Variants in FGF10 observed in about 807,000 individuals in gnomAD.
FGF10 encodes the protein FGF-10.
In FGF10, 2 loss-of-function variants were observed where a neutral mutation model predicts 19.8. That is an observed-to-expected ratio of 0.10 (90% confidence interval 0.04 to 0.32). The LOEUF (loss-of-function observed/expected upper bound fraction) is 0.32. FGF10 is among the 10% of genes least tolerant of loss of function. The probability of loss-of-function intolerance (pLI) is 1.00; values close to 1 mark genes in which losing one functional copy is unlikely to be tolerated. For synonymous variants in FGF10, 112 were observed against 94.0 expected (o/e 1.19, Z -1.10); for missense variants, 191 against 246.3 (o/e 0.78, Z 1.50).
intron 1 of FGF10, among the ~76,000 whole-genome samples, chr5:44,349,791 A>T (rs888997121): frequency 1.3e-5 from 2 of 151,156 alleles, no homozygotes; most frequent in African/African-American, 4.8e-5. Flanking sequence ...AATAAAGTTG[A>T]GTAGTTAAGG....
At chr5:44,356,323 A>G (rs760594031) in intron 1 of FGF10, among the ~76,000 whole-genome samples, 16 of 151,406 alleles carry the variant, frequency 1.1e-4, no homozygotes, top group Non-Finnish European at 1.8e-4. Context: ...AGTGAATTAA[A>G]CCTAAATTCA....
rs1240606399 is a variant in FGF10 at position 44,301,988 on chromosome 5, A to G, written c.*3007T>C. Among the ~76,000 whole-genome samples, 1 of 152,120 alleles carries G rather than the reference A, an allele frequency of 6.6e-6. No homozygotes were observed. Among genetic ancestry groups the G allele is most frequent in the African/African-American group, 2.4e-5 (1 of 41,440 alleles). On this transcript the variant is annotated 3_prime_UTR_variant, in exon 3 of 3. Transcript: ENST00000264664. ...AGGAGTATTCTCAGAACCAAAACTC[A>G]AATGGACACATATTTGTGGCTGATG...
chr5:44,328,480 G>A (rs61268871), intron 1 of FGF10, among the ~76,000 whole-genome samples: 2,086 of 152,150 alleles, frequency 0.014, 47 homozygotes, highest in African/African-American at 0.047. Flanking sequence ...TCTAATGGTC[G>A]GGCATGGTGG....
rs1049284089 is a variant in FGF10 at position 44,388,771 on chromosome 5, G to A, written c.-89C>T. 7.2e-7 allele frequency: 1 copy of A among 1,384,776 alleles called. No individual in the cohort carries two copies. The highest frequency in any genetic ancestry group is 1.0e-6 in the Non-Finnish European group (1 of 985,000). The allele number at this position is 1,384,776 out of a possible 1,614,324, so 85.8% of individuals were successfully genotyped here. On this transcript the variant is annotated 5_prime_UTR_variant, in exon 1 of 3. Transcript: ENST00000264664. ...CCGATGCAAGGCAAGGAGAGAGCTC[G>A]AGGTGGTGGCTGCTGGTTAGCTCCC...
chr5:44,329,589 TAG>T (rs1740686732), intron 1 of FGF10, among the ~76,000 whole-genome samples: 1 of 152,020 alleles, frequency 6.6e-6, no homozygotes, highest in African/African-American at 2.4e-5. Flanking sequence ...CAACCTAAAC[TAG>T]AACGCATATT....
At chr5:44,364,976 T>C (rs78732306) in intron 1 of FGF10, among the ~76,000 whole-genome samples, 1,877 of 151,890 alleles carry the variant, frequency 0.012, 75 homozygotes, top group East Asian at 0.1. Flanking sequence ...GAATAAGAGA[T>C]ATGAGTTAAA....
At chr5:44,362,658 T>A (rs983547791) in intron 1 of FGF10, among the ~76,000 whole-genome samples, 2 of 151,602 alleles carry the variant, frequency 1.3e-5, no homozygotes, top group African/African-American at 2.4e-5. Flanking sequence ...CATGACAAAT[T>A]GTTGTAATCT....
intron 1 of FGF10, among the ~76,000 whole-genome samples, chr5:44,341,444 G>T (rs993752751): frequency 6.6e-6 from 1 of 151,718 alleles, no homozygotes; most frequent in Admixed American, 6.6e-5. Context: ...TATATATTCA[G>T]ATAGATAATA....
intron 2 of FGF10, among the ~76,000 whole-genome samples, chr5:44,307,083 T>C (rs1265111001): frequency 6.6e-6 from 1 of 152,196 alleles, no homozygotes; most frequent in East Asian, 1.9e-4. Flanking sequence ...CAGATGAAGC[T>C]AGGTATACAA....
intron 1 of FGF10, among the ~76,000 whole-genome samples, chr5:44,385,150 T>C (rs1334494033): frequency 6.6e-6 from 1 of 152,126 alleles, no homozygotes; most frequent in Non-Finnish European, 1.5e-5. Context: ...CCACAGCTAT[T>C]CTAAATTATT....
intron 1 of FGF10, among the ~76,000 whole-genome samples, chr5:44,319,257 C>T (rs1051191634): frequency 2.0e-5 from 3 of 152,162 alleles, no homozygotes; most frequent in African/African-American, 7.2e-5. Flanking sequence ...AGAGGAGTTA[C>T]TGCATGGCAT....
chr5:44,347,239 G>A (rs1741109220), intron 1 of FGF10, among the ~76,000 whole-genome samples: 1 of 151,588 alleles, frequency 6.6e-6, no homozygotes, highest in African/African-American at 2.4e-5. Flanking sequence ...ATGCTTCCTG[G>A]GATGACTCCT....
At chr5:44,308,119 G>T (rs922939437) in intron 2 of FGF10, among the ~76,000 whole-genome samples, 1 of 152,146 alleles carries the variant, frequency 6.6e-6, no homozygotes, top group Non-Finnish European at 1.5e-5. Flanking sequence ...TGCCACTGCA[G>T]ATAATAGAAA....
At chr5:44,334,878 G>C (rs1740812222) in intron 1 of FGF10, among the ~76,000 whole-genome samples, 1 of 152,116 alleles carries the variant, frequency 6.6e-6, no homozygotes, top group Admixed American at 6.6e-5. Context: ...TGAATGTTGG[G>C]AGAAAATCAT....
At chr5:44,368,256 A>G (rs1741664500) in intron 1 of FGF10, among the ~76,000 whole-genome samples, 1 of 152,120 alleles carries the variant, frequency 6.6e-6, no homozygotes, top group African/African-American at 2.4e-5. Flanking sequence ...ATATAATAAG[A>G]CAATTGATGG....
intron 1 of FGF10, among the ~76,000 whole-genome samples, chr5:44,322,631 T>C (rs536429359): frequency 4.6e-5 from 7 of 152,230 alleles, no homozygotes; most frequent in African/African-American, 1.7e-4. Context: ...CTCCATATGT[T>C]CTGGATTAAA....
At chr5:44,376,842 A>C (rs1012366271) in intron 1 of FGF10, among the ~76,000 whole-genome samples, 3 of 152,034 alleles carry the variant, frequency 2.0e-5, no homozygotes, top group Non-Finnish European at 2.9e-5. Flanking sequence ...CTTTTGAAAT[A>C]TTCTTCCACT....
chr5:44,356,216 G>A (rs954109530), intron 1 of FGF10, among the ~76,000 whole-genome samples: 2 of 151,388 alleles, frequency 1.3e-5, no homozygotes, highest in South Asian at 2.1e-4. Context: ...AGTGGTTCCC[G>A]TGGGTAATAT....
chr5:44,338,745 A>G (rs1406863009), intron 1 of FGF10, among the ~76,000 whole-genome samples: 1 of 152,238 alleles, frequency 6.6e-6, no homozygotes, highest in African/African-American at 2.4e-5. Context: ...CAGCTGAGTT[A>G]AAGTACTCTA....
Sources: gnomAD v4.1 joint callset for allele counts (sites outside exome capture counted in the v4.1 genomes callset) on GRCh38, gnomAD v4.1.1 for gene constraint, MANE v1.5 for transcripts, NCBI Gene and HGNC (gene_info 2026-07-23, HGNC 2026-07-21) for gene names.